Variants in MINPP1 observed in about 807,000 individuals in gnomAD.
The protein encoded by MINPP1 is multiple inositol polyphosphate phosphatase 1.
Under a neutral mutation model 46.1 loss-of-function variants are expected in MINPP1, and 28 were observed. The ratio of observed to expected loss-of-function variants is 0.61; its 90% CI spans 0.45 to 0.83. MINPP1 has a LOEUF of 0.83. MINPP1 is among the 40% of genes least tolerant of loss of function. The probability of loss-of-function intolerance (pLI) is 0.00; values close to 1 mark genes in which losing one functional copy is unlikely to be tolerated. For synonymous variants in MINPP1, 268 were observed against 249.1 expected (o/e 1.08, Z -0.72); for missense variants, 603 against 610.0 (o/e 0.99, Z 0.12).
intron 4 of MINPP1, among the ~76,000 whole-genome samples, chr10:87,540,675 G>C (rs1468443290): frequency 6.6e-6 from 1 of 152,180 alleles, no homozygotes; most frequent in Non-Finnish European, 1.5e-5. Flanking sequence ...TGTGATTTTG[G>C]TGTATTCAAA....
At chr10:87,536,312 G>A (rs1281264785) in intron 4 of MINPP1, among the ~76,000 whole-genome samples, 1 of 152,082 alleles carries the variant, frequency 6.6e-6, no homozygotes, top group Non-Finnish European at 1.5e-5. Flanking sequence ...TTTGGTAAAG[G>A]CTTTATGAGG....
chr10:87,548,637 A>G (rs1302645276), intron 4 of MINPP1, among the ~76,000 whole-genome samples: 1 of 152,018 alleles, frequency 6.6e-6, no homozygotes, highest in African/African-American at 2.4e-5. Context: ...AAATATTTAT[A>G]CTTGGTTATT....
At position 87,538,626 on chromosome 10, in the gene MINPP1, A is replaced by G. The variant is rs566456171; in HGVS notation, c.1068-13456A>G. Among the ~76,000 whole-genome samples, 9 of 152,332 alleles carry G rather than the reference A, an allele frequency of 5.9e-5. No individual in the cohort carries two copies. In the South Asian group the frequency reaches 1.9e-3, roughly 32 times the overall value. On this transcript the variant is annotated intron_variant, in intron 4 of 4. Coordinates refer to ENST00000371996, the MANE Select transcript of MINPP1 (RefSeq NM_004897.5). The stretch of plus-strand genomic sequence containing the variant: ...AAGCTGTTGGATTGGTGCTTCTCCA[A>G]ATACTCACTGGAACTGATGTTTCAA...
chr10:87,529,791 A>C lies in MINPP1; in HGVS notation c.1067+8622A>C, dbSNP rs960453437. On this transcript the variant is annotated intron_variant, in intron 4 of 4. Transcript: ENST00000371996. ...GGAAGTTCTCCTGGATAACATCCTG[A>C]ATAGTGTTTTCCAACTTGGTTCCAT... Among the ~76,000 whole-genome samples the C allele has an allele frequency of 2.6e-5, 4 of 152,296 alleles. No homozygotes were observed. In the East Asian group the frequency reaches 5.8e-4, roughly 22 times the overall value.
At position 87,505,306 on chromosome 10, in the gene MINPP1, C is replaced by T; in HGVS notation, c.391C>T (p.Leu131=). The T allele has an allele frequency of 6.2e-7, 1 of 1,612,070 alleles. No individual in the cohort carries two copies. Residue 131 remains leucine, a synonymous_variant, in exon 1 of 5, where the codon CTG becomes TTG. Coordinates refer to ENST00000371996, the MANE Select transcript of MINPP1 (RefSeq NM_004897.5). This position sits in a 1 kb window ranked among gnomAD's most constrained non-coding sequence, Gnocchi z 4.4. ...CGGCAGCCGCGACCTGGGTGCAGCG[C>T]TGGCCGACTGGCCTTTGTGGTACGC... is the stretch of plus-strand genomic sequence containing the variant. The part of the protein sequence containing the change: ...STGSRDLGAA[L]ADWPLWYADW...
At chr10:87,518,773 T>C (rs907322197) in intron 3 of MINPP1, among the ~76,000 whole-genome samples, 7 of 152,196 alleles carry the variant, frequency 4.6e-5, no homozygotes, top group Admixed American at 2.0e-4. Context: ...GGAAACACTT[T>C]TGCTGGTTTA....
At chr10:87,520,057 A>AGAGTGTGTGTGTGTGTGTGTGTGTGTGT (rs1554852420) in intron 3 of MINPP1, among the ~76,000 whole-genome samples, 1 of 147,364 alleles carries the variant, frequency 6.8e-6, no homozygotes, top group African/African-American at 2.5e-5. Context: ...TAAAAGGTAT[A>AGAGTGTGTGTGTGTGTGTGTGTGTGTGT]GTGTGTGTGT....
intron 4 of MINPP1, among the ~76,000 whole-genome samples, chr10:87,530,049 C>T (rs1333810869): frequency 1.3e-5 from 2 of 152,200 alleles, no homozygotes; most frequent in Non-Finnish European, 2.9e-5. Flanking sequence ...TGGTTTTCAG[C>T]TCCATCAGGT....
At chr10:87,506,903 T>C (rs990149430) in intron 1 of MINPP1, among the ~76,000 whole-genome samples, 2 of 152,238 alleles carry the variant, frequency 1.3e-5, no homozygotes, top group Non-Finnish European at 2.9e-5. Flanking sequence ...TAATTACTTG[T>C]TGAACTGTGT....
intron 4 of MINPP1, 135 bp from the exon 5 acceptor site, chr10:87,551,947 A>G (rs1851968841): frequency 1.4e-6 from 1 of 706,370 alleles, no homozygotes; most frequent in Admixed American, 3.0e-5. Flanking sequence ...TGCTTGTGTA[A>G]TGTATATAAA....
Position 87,552,350 on chromosome 10 carries a change from G to T in MINPP1, c.1336G>T (p.Ala446Ser), listed in dbSNP as rs756260066. 6.2e-7 allele frequency: 1 copy of T among 1,613,672 alleles called. No homozygotes were observed. Among genetic ancestry groups the T allele is most frequent in the Admixed American group, 1.7e-5 (1 of 59,954 alleles). Residue 446 changes from alanine (A) to serine (S), a missense_variant, in exon 5 of 5, where the codon GCT (alanine) becomes TCT (serine). Ala to Ser is a moderately conservative substitution (Grantham distance 99). This residue lies in a region of MINPP1 where 344 missense variants were observed against 381.1 expected (regional missense o/e 0.90). Coordinates refer to ENST00000371996, the MANE Select transcript of MINPP1 (RefSeq NM_004897.5). ...ATTAAATGAAAAGGTGTTACCTTTGGCTTACTCACAAGAAACTGTTTCATT... is the reference window on the plus strand; with the variant it reads ...ATTAAATGAAAAGGTGTTACCTTTGTCTTACTCACAAGAAACTGTTTCATT... ...MLLNEKVLPL[A>S]YSQETVSFYE...
chr10:87,519,462 G>A (rs1056252743), intron 3 of MINPP1, among the ~76,000 whole-genome samples: 3 of 152,166 alleles, frequency 2.0e-5, no homozygotes, highest in African/African-American at 7.2e-5. Context: ...AGGCGTTCAT[G>A]TAATATGTCA....
At chr10:87,551,752 TAC>T (rs1851966247) in intron 4 of MINPP1, among the ~76,000 whole-genome samples, 1 of 152,152 alleles carries the variant, frequency 6.6e-6, no homozygotes, top group South Asian at 2.1e-4. Context: ...AGAAAGGCAA[TAC>T]AGTGTTGAAA....
chr10:87,513,022 A>G (rs1851357759), intron 2 of MINPP1, 102 bp from the exon 3 acceptor site: 2 of 815,666 alleles, frequency 2.5e-6, no homozygotes, highest in Admixed American at 1.9e-5. Flanking sequence ...GAAGATGTCC[A>G]TTTTATTGAG....
At chr10:87,522,835 C>T (rs1026769085) in intron 4 of MINPP1, among the ~76,000 whole-genome samples, 3 of 152,028 alleles carry the variant, frequency 2.0e-5, no homozygotes, top group East Asian at 1.9e-4. Flanking sequence ...CACATGATGC[C>T]GTTTAATAAC....
Position 87,540,524 on chromosome 10 carries a change from C to T in MINPP1, c.1068-11558C>T, listed in dbSNP as rs1489827705. Among the ~76,000 whole-genome samples, 4 of 145,790 alleles carry T rather than the reference C, an allele frequency of 2.7e-5. No homozygotes were observed. In the East Asian group the frequency reaches 8.3e-4, roughly 30 times the overall value. The stretch of plus-strand genomic sequence containing the variant: ...ACACACACACACACACACACACACA[C>T]ACTTTCTTACTCCCTCATTCAGACA... On this transcript the variant is annotated intron_variant, in intron 4 of 4. Coordinates refer to ENST00000371996, the MANE Select transcript of MINPP1 (RefSeq NM_004897.5).
intron 4 of MINPP1, among the ~76,000 whole-genome samples, chr10:87,538,773 G>A (rs904562807): frequency 6.6e-6 from 1 of 152,198 alleles, no homozygotes; most frequent in African/African-American, 2.4e-5. Context: ...GTTGTGTAAA[G>A]CTGTATTTGA....
At chr10:87,540,495 T>TCACACA (rs3062345) in intron 4 of MINPP1, among the ~76,000 whole-genome samples, 7 of 149,168 alleles carry the variant, frequency 4.7e-5, no homozygotes, top group Admixed American at 1.3e-4. Flanking sequence ...TCTCTCTCTG[T>TCACACA]CACACACACA....
At chr10:87,538,283 A>G (rs894066771) in intron 4 of MINPP1, among the ~76,000 whole-genome samples, 1 of 152,046 alleles carries the variant, frequency 6.6e-6, no homozygotes, top group African/African-American at 2.4e-5. Context: ...TGGCCTCCCT[A>G]AATTCTCACT....
Sources: gnomAD v4.1 joint callset for allele counts (sites outside exome capture counted in the v4.1 genomes callset) on GRCh38, gnomAD v4.1.1 for gene constraint, gnomAD v4.1.1 regional missense constraint, Gnocchi (gnomAD v3.1) non-coding constraint, MANE v1.5 for transcripts, NCBI Gene and HGNC (gene_info 2026-07-23, HGNC 2026-07-21) for gene names.